The following DPY19L1 variants were observed in gnomAD, a reference collection of about 807,000 sequenced individuals.
DPY19L1 encodes protein C-mannosyl-transferase DPY19L1.
A neutral mutation model predicts 96.9 loss-of-function variants in DPY19L1; 35 were observed. That is an observed-to-expected ratio of 0.36 (90% CI 0.28 to 0.48). The LOEUF is 0.48. Ranked by LOEUF, DPY19L1 falls within the 20% of genes least tolerant of loss-of-function variation. The pLI is 0.99. For missense variants in DPY19L1, 521 were observed against 777.9 expected (o/e 0.67, Z 3.93); for synonymous variants, 205 against 252.6 (o/e 0.81, Z 1.79).
At position 35,017,892 on chromosome 7, in the gene DPY19L1, C is replaced by T; in HGVS notation, c.401G>A (p.Arg134His). The T allele has an allele frequency of 1.2e-6, 2 of 1,602,386 alleles. No individual in the cohort carries two copies. Among genetic ancestry groups the T allele is most frequent in the Non-Finnish European group, 1.7e-6 (2 of 1,173,256 alleles). Residue 134 changes from arginine to histidine, a missense_variant, in exon 3 of 22, where the codon CGC (arginine) becomes CAC (histidine). Transcript: ENST00000638088. The stretch of plus-strand genomic sequence containing the variant: ...CAAATAAAAACTAACCATTTCAGTG[C>T]GAAAAGCCATCTCCCTTTCCAATGT... ...LSTLEREMAF[R>H]TEMGLYYSYF...
chr7:35,001,980 C>T (rs1439607038), intron 6 of DPY19L1, among the ~76,000 whole-genome samples: 1 of 151,914 alleles, frequency 6.6e-6, no homozygotes, highest in African/African-American at 2.4e-5. Flanking sequence ...CAAAAATTGG[C>T]TGGGTGTGGT....
intron 6 of DPY19L1, among the ~76,000 whole-genome samples, chr7:34,992,719 CCT>C (rs1001714630): frequency 3.3e-5 from 5 of 151,822 alleles, no homozygotes; most frequent in African/African-American, 1.2e-4. Context: ...GTTAATAACC[CCT>C]GTTAAAGATT....
chr7:35,015,857 T>C (rs754887784), intron 3 of DPY19L1, among the ~76,000 whole-genome samples: 4 of 152,142 alleles, frequency 2.6e-5, no homozygotes, highest in Non-Finnish European at 4.4e-5. Context: ...ATTCTGGGGG[T>C]TGCCCTGTGA....
At chr7:35,027,953 A>C (rs1263857664) in intron 1 of DPY19L1, among the ~76,000 whole-genome samples, 2 of 152,220 alleles carry the variant, frequency 1.3e-5, no homozygotes, top group East Asian at 3.8e-4. Context: ...AACTTTAGTT[A>C]ATCAGAATCT....
chr7:34,987,044 T>C (rs1785064267), intron 7 of DPY19L1, among the ~76,000 whole-genome samples: 1 of 152,028 alleles, frequency 6.6e-6, no homozygotes, highest in African/African-American at 2.4e-5. Context: ...AAAGAATTTC[T>C]AACAATCAAA....
intron 10 of DPY19L1, among the ~76,000 whole-genome samples, chr7:34,963,602 C>A (rs1784548308): frequency 1.4e-5 from 2 of 144,880 alleles, no homozygotes; most frequent in African/African-American, 5.0e-5. Flanking sequence ...ACTGGATAAG[C>A]AAAATCGTGT....
intron 15 of DPY19L1, among the ~76,000 whole-genome samples, chr7:34,947,100 G>C (rs913105395): frequency 7.2e-5 from 11 of 152,168 alleles, no homozygotes; most frequent in African/African-American, 2.7e-4. Flanking sequence ...AAAAAAGAGA[G>C]GGAATATCAC....
chr7:34,944,604 A>T (rs1359975945), intron 16 of DPY19L1, among the ~76,000 whole-genome samples: 1 of 152,138 alleles, frequency 6.6e-6, no homozygotes, highest in Admixed American at 6.5e-5. Flanking sequence ...CTATACACAC[A>T]CACACTGGCA....
intron 1 of DPY19L1, among the ~76,000 whole-genome samples, chr7:35,036,265 T>C (rs329271): frequency 0.19 from 28,238 of 152,090 alleles, 2,975 homozygotes; most frequent in Admixed American, 0.34. Context: ...CTGAGGCATA[T>C]AGAAAAAAGC....
At chr7:34,949,428 G>A (rs1222374216) in intron 14 of DPY19L1, among the ~76,000 whole-genome samples, 1 of 152,116 alleles carries the variant, frequency 6.6e-6, no homozygotes, top group Non-Finnish European at 1.5e-5. Flanking sequence ...GAAAAGCTTG[G>A]ACTTGATGTT....
At chr7:35,002,374 A>T (rs1584248736) in intron 6 of DPY19L1, among the ~76,000 whole-genome samples, 6 of 152,256 alleles carry the variant, frequency 3.9e-5, no homozygotes, top group African/African-American at 1.4e-4. Flanking sequence ...GGTTGGAAAA[A>T]ATAAGGCTGA....
chr7:34,938,313 G>A (rs891145878), intron 20 of DPY19L1, among the ~76,000 whole-genome samples, 194 bp from the exon 21 acceptor site: 1 of 152,222 alleles, frequency 6.6e-6, no homozygotes. Flanking sequence ...AAGTTGTGGA[G>A]AAGAGGGTGA....
At chr7:34,976,227 A>T (rs1025179503) in intron 7 of DPY19L1, among the ~76,000 whole-genome samples, 1 of 152,212 alleles carries the variant, frequency 6.6e-6, no homozygotes, top group Non-Finnish European at 1.5e-5. Flanking sequence ...AAATATCATC[A>T]TTAATAGGAC....
intron 21 of DPY19L1, among the ~76,000 whole-genome samples, chr7:34,934,773 T>G (rs1783831331): frequency 6.6e-6 from 1 of 152,186 alleles, no homozygotes; most frequent in African/African-American, 2.4e-5. Context: ...ATGCTGCCAC[T>G]CATCTGACAG....
At chr7:35,020,389 G>C (rs1161596115) in intron 1 of DPY19L1, among the ~76,000 whole-genome samples, 1 of 151,862 alleles carries the variant, frequency 6.6e-6, no homozygotes, top group Non-Finnish European at 1.5e-5. Flanking sequence ...ATGTGGTGTG[G>C]GTATATACAT....
intron 7 of DPY19L1, among the ~76,000 whole-genome samples, chr7:34,983,411 G>A (rs1256932339): frequency 2.0e-5 from 3 of 151,986 alleles, no homozygotes; most frequent in Admixed American, 2.0e-4. Context: ...AAATATTAGT[G>A]AGATGAAGAG....
chr7:35,020,372 T>C (rs1052778940), intron 1 of DPY19L1, among the ~76,000 whole-genome samples: 1 of 152,202 alleles, frequency 6.6e-6, no homozygotes, highest in African/African-American at 2.4e-5. Context: ...AGCCTTCATA[T>C]CCATAAATGT....
chr7:34,951,307 G>C (rs982886969), intron 13 of DPY19L1, among the ~76,000 whole-genome samples: 10 of 151,880 alleles, frequency 6.6e-5, no homozygotes, highest in African/African-American at 2.2e-4. Context: ...CTCACAAACA[G>C]AAAATATAAA....
chr7:35,032,155 T>C (rs558888106), intron 1 of DPY19L1, among the ~76,000 whole-genome samples: 3 of 152,312 alleles, frequency 2.0e-5, no homozygotes, highest in East Asian at 1.9e-4. Context: ...CTAACATTTA[T>C]TGAGCACAAA....
Sources: gnomAD v4.1 joint callset for allele counts (sites outside exome capture counted in the v4.1 genomes callset) on GRCh38, gnomAD v4.1.1 for gene constraint, MANE v1.5 for transcripts, NCBI Gene and HGNC (gene_info 2026-07-23, HGNC 2026-07-21) for gene names.